The following DGKH variants were observed in gnomAD, a reference collection of about 807,000 sequenced individuals.
DGKH encodes DAG kinase eta.
Under a neutral mutation model 159.3 loss-of-function variants are expected in DGKH, and 90 were observed. The ratio of observed to expected loss-of-function variants is 0.57; its 90% CI spans 0.48 to 0.67. The LOEUF is 0.67. DGKH is among the 30% of genes least tolerant of loss of function. The pLI is 0.00. For missense variants in DGKH, 1,181 were observed against 1,506.1 expected (o/e 0.78, Z 3.57); for synonymous variants, 536 against 553.8 (o/e 0.97, Z 0.45).
intron 1 of DGKH, among the ~76,000 whole-genome samples, chr13:42,105,019 ATATG>A (rs34861728): frequency 0.7 from 105,493 of 150,386 alleles, 37,648 homozygotes; most frequent in Non-Finnish European, 0.79. Context: ...ATGTACATAC[ATATG>A]TATGTATGTA....
At chr13:42,171,832 T>C (rs1335332513) in intron 11 of DGKH, among the ~76,000 whole-genome samples, 1 of 145,154 alleles carries the variant, frequency 6.9e-6, no homozygotes, top group African/African-American at 2.5e-5. Flanking sequence ...AAATTTCTTT[T>C]TTTTTTTTTT....
intron 5 of DGKH, among the ~76,000 whole-genome samples, chr13:42,157,314 A>T (rs903635807): frequency 6.6e-6 from 1 of 152,194 alleles, no homozygotes. Context: ...TGCTGAAAAG[A>T]CACCACATCT....
intron 1 of DGKH, among the ~76,000 whole-genome samples, chr13:42,074,648 G>A (rs1470456820): frequency 1.3e-5 from 2 of 148,942 alleles, no homozygotes; most frequent in Non-Finnish European, 3.0e-5. Flanking sequence ...GTATCTATCC[G>A]TCCATCCATC....
intron 21 of DGKH, among the ~76,000 whole-genome samples, chr13:42,207,133 CCTTCCT>C (rs1566192635): frequency 1.0e-4 from 3 of 29,262 alleles, no homozygotes; most frequent in Non-Finnish European, 1.3e-4. Flanking sequence ...CTCCTTCCTT[CCTTCCT>C]TCCTTCCTTC....
chr13:42,168,733 G>A lies in DGKH; in HGVS notation c.1282G>A (p.Gly428Ser). Residue 428 changes from glycine to serine, a missense_variant, in exon 11 of 30, where the codon GGC becomes AGC. Physicochemically the swap from Gly to Ser is moderately conservative, Grantham distance 56. Transcript: ENST00000337343. The stretch of plus-strand genomic sequence containing the variant: ...AGGAAATGACCTTGCCCGAGTTCTT[G>A]GCTGGGGAGGTTCATATGACGATGA... The part of the protein sequence containing the change: ...GTGNDLARVL[G>S]WGGSYDDDTQ... The A allele has an allele frequency of 1.9e-6, 3 of 1,614,146 alleles. No homozygotes were observed. Among genetic ancestry groups the A allele is most frequent in the Non-Finnish European group, 2.5e-6 (3 of 1,180,004 alleles).
chr13:42,081,355 A>G (rs534050264), intron 1 of DGKH, among the ~76,000 whole-genome samples: 42 of 152,052 alleles, frequency 2.8e-4, no homozygotes, highest in African/African-American at 9.9e-4. Context: ...TCAGCCTCCC[A>G]AGTAACTGGG....
chr13:42,199,785 G>A (rs1393057911), intron 19 of DGKH, 28 bp from the exon 20 acceptor site: 3 of 1,586,164 alleles, frequency 1.9e-6, no homozygotes, highest in Non-Finnish European at 2.6e-6. Flanking sequence ...AAAATTTCCT[G>A]AAATTGCCTG....
rs553472498 is a variant in DGKH at position 42,228,754 on chromosome 13, G to T, written c.3574-345G>T. ...AAAGAGAAAGAAAGAAACTAAATTGGTTTTGACTTTTGAAGTCAAAAGCCA... is the reference window on the plus strand; with the variant it reads ...AAAGAGAAAGAAAGAAACTAAATTGTTTTTGACTTTTGAAGTCAAAAGCCA... On this transcript the variant is annotated intron_variant, in intron 29 of 29. Transcript: ENST00000337343. Among the ~76,000 whole-genome samples, 20 of 152,016 alleles carry T rather than the reference G, an allele frequency of 1.3e-4. 1 individual carries two copies. In the South Asian group the frequency reaches 4.2e-3, roughly 32 times the overall value.
intron 14 of DGKH, 101 bp downstream of exon 14, chr13:42,187,249 CA>C: frequency 1.1e-6 from 1 of 929,330 alleles, no homozygotes; most frequent in Non-Finnish European, 1.7e-6. Flanking sequence ...CCTGCCAAAA[CA>C]TCTTAAATCG....
At chr13:42,112,980 C>T (rs1364598610) in intron 1 of DGKH, among the ~76,000 whole-genome samples, 3 of 152,204 alleles carry the variant, frequency 2.0e-5, no homozygotes, top group African/African-American at 7.2e-5. Flanking sequence ...TTCCAGTCTT[C>T]ATCTGCAGTT....
chr13:42,219,683 C>G lies in DGKH; in HGVS notation c.3334-3C>G. ...AAATTATTTTCTTGCTCGATTTGAA[C>G]AGGAACCTCCTATGGATTGCACCAA... On this transcript the variant is annotated splice_polypyrimidine_tract_variant and splice_region_variant and intron_variant, in intron 27 of 29. Coordinates refer to ENST00000337343, the MANE Select transcript of DGKH (RefSeq NM_178009.5). The G allele has an allele frequency of 6.2e-7, 1 of 1,610,318 alleles. No homozygotes were observed. The highest frequency in any genetic ancestry group is 8.5e-7 in the Non-Finnish European group (1 of 1,178,772).
At chr13:42,159,244 C>CTTTTGTTTTTTTTTTTTTTT in intron 5 of DGKH, 22 bp from the exon 6 acceptor site, 1 of 213,284 alleles carries the variant, frequency 4.7e-6, no homozygotes, top group Non-Finnish European at 8.1e-6. Flanking sequence ...AGCAGTTGCT[C>CTTTTGTTTTTTTTTTTTTTT]TTTTTTTTTT....
At chr13:42,181,153 T>C (rs928369599) in intron 13 of DGKH, among the ~76,000 whole-genome samples, 3 of 151,570 alleles carry the variant, frequency 2.0e-5, no homozygotes, top group Non-Finnish European at 2.9e-5. Flanking sequence ...GGTGGGCGCC[T>C]GTAGTCCTAG....
chr13:42,184,609 C>T (rs1956860604), intron 13 of DGKH, among the ~76,000 whole-genome samples: 1 of 152,106 alleles, frequency 6.6e-6, no homozygotes, highest in African/African-American at 2.4e-5. Context: ...CCCCTGTAAT[C>T]TCATTGCTTT....
intron 1 of DGKH, among the ~76,000 whole-genome samples, chr13:42,110,586 A>ATTC (rs1355604373): frequency 7.6e-5 from 11 of 145,272 alleles, no homozygotes; most frequent in African/African-American, 2.3e-4. Context: ...TTTGAAGGAT[A>ATTC]ATCATTCATT....
chr13:42,069,027 A>G (rs1015282492), intron 1 of DGKH: 3 of 1,453,186 alleles, frequency 2.1e-6, no homozygotes, highest in African/African-American at 2.8e-5. Context: ...GTATTGACTT[A>G]AGTGGTGACC....
At chr13:42,083,012 C>T (rs4994103) in intron 1 of DGKH, among the ~76,000 whole-genome samples, 26,888 of 152,132 alleles carry the variant, frequency 0.18, 2,466 homozygotes, top group Non-Finnish European at 0.2. Context: ...GACTCTCTTC[C>T]TGTTTTTGGT....
chr13:42,088,022 A>G (rs1286873600), intron 1 of DGKH, among the ~76,000 whole-genome samples: 1 of 152,210 alleles, frequency 6.6e-6, no homozygotes, highest in Admixed American at 6.5e-5. Context: ...AAGCAGCCAG[A>G]GGAACAAAGA....
At chr13:42,110,905 C>T (rs1484896783) in intron 1 of DGKH, among the ~76,000 whole-genome samples, 4 of 152,106 alleles carry the variant, frequency 2.6e-5, no homozygotes, top group Non-Finnish European at 5.9e-5. Context: ...AAAATACACT[C>T]AGTGGGGGGA....
Sources: gnomAD v4.1 joint callset for allele counts (sites outside exome capture counted in the v4.1 genomes callset) on GRCh38, gnomAD v4.1.1 for gene constraint, MANE v1.5 for transcripts, NCBI Gene and HGNC (gene_info 2026-07-23, HGNC 2026-07-21) for gene names.